STOX2: variants seen among roughly 807,000 people sequenced by gnomAD.
The protein encoded by STOX2 is storkhead box 2, also known as storkhead-box protein 2.
A neutral mutation model predicts 60.9 loss-of-function variants in STOX2; 28 were observed. That is an observed-to-expected ratio of 0.46 (90% confidence interval 0.34 to 0.63). The LOEUF (loss-of-function observed/expected upper bound fraction) is 0.63. STOX2 is among the 30% of genes least tolerant of loss of function. STOX2 has a pLI of 0.01. For synonymous variants in STOX2, 472 were observed against 463.9 expected (o/e 1.02, Z -0.22); for missense variants, 1,024 against 1,187.7 (o/e 0.86, Z 2.03).
At chr4:183,928,200 G>A (rs978523950) in intron 1 of STOX2, among the ~76,000 whole-genome samples, 4 of 119,602 alleles carry the variant, frequency 3.3e-5, no homozygotes, top group African/African-American at 1.2e-4. Flanking sequence ...TTTCACGTGG[G>A]TGAGGATGGG....
At chr4:183,947,409 G>T (rs554301653) in intron 1 of STOX2, among the ~76,000 whole-genome samples, 26 of 152,202 alleles carry the variant, frequency 1.7e-4, no homozygotes, top group African/African-American at 5.8e-4. Context: ...TCTAGTTTGT[G>T]GGGTGGGGCT....
At position 183,906,691 on chromosome 4, in the gene STOX2, G is replaced by C; in HGVS notation, c.-100G>C. The C allele has an allele frequency of 7.7e-7, 1 of 1,297,076 alleles. No homozygotes were observed. The highest frequency in any genetic ancestry group is 1.0e-6 in the Non-Finnish European group (1 of 971,936). 80.3% of individuals were successfully genotyped at this position (1,297,076 alleles called of 1,614,324 possible). The stretch of plus-strand genomic sequence containing the variant: ...AGGAGGGGCTGGGAAAATGTGCGCA[G>C]AGTCCGCCCGGGTCGTGCCCGCCGT... On this transcript the variant is annotated 5_prime_UTR_variant, in exon 1 of 4. Coordinates refer to ENST00000308497, the MANE Select transcript of STOX2 (RefSeq NM_020225.3).
At chr4:184,000,038 T>C (rs1733518958) in intron 1 of STOX2, among the ~76,000 whole-genome samples, 1 of 152,210 alleles carries the variant, frequency 6.6e-6, no homozygotes, top group Non-Finnish European at 1.5e-5. Flanking sequence ...TGAGCCCTTC[T>C]ATGTTCTACT....
intron 1 of STOX2, among the ~76,000 whole-genome samples, chr4:183,807,098 G>A (rs112473667): frequency 2.0e-5 from 3 of 151,938 alleles, no homozygotes; most frequent in Admixed American, 6.6e-5. Context: ...TCAGCCTCCC[G>A]AGTAGCTGGG....
At position 183,907,639 on chromosome 4, in the gene STOX2, A is replaced by G. The variant is rs117725372; in HGVS notation, c.166+683A>G. ...CAAACAAAACGGTAAATGGAAAGGGAAGGCTTCAAAAAAGATTTCCGCTTA... is the reference window on the plus strand; with the variant it reads ...CAAACAAAACGGTAAATGGAAAGGGGAGGCTTCAAAAAAGATTTCCGCTTA... On this transcript the variant is annotated intron_variant, in intron 1 of 3. Transcript: ENST00000308497. Among the ~76,000 whole-genome samples the G allele has an allele frequency of 1.0e-3, 158 of 152,332 alleles. 1 individual carries two copies. The East Asian group carries it at 0.025, about 24-fold the overall frequency.
chr4:183,977,774 C>A (rs1185159731), intron 1 of STOX2, among the ~76,000 whole-genome samples: 18 of 152,194 alleles, frequency 1.2e-4, no homozygotes, highest in Non-Finnish European at 1.6e-4. Flanking sequence ...TACTATTTTC[C>A]ATAGAGGTTG....
chr4:183,950,216 TCAG>T (rs1743026531), intron 1 of STOX2, among the ~76,000 whole-genome samples: 1 of 152,236 alleles, frequency 6.6e-6, no homozygotes, highest in African/African-American at 2.4e-5. Flanking sequence ...ATTCATATAT[TCAG>T]CACATGTTCA....
chr4:183,994,183 G>A (rs540744318), intron 1 of STOX2, among the ~76,000 whole-genome samples: 6 of 152,144 alleles, frequency 3.9e-5, no homozygotes, highest in East Asian at 1.9e-4. Context: ...AAGAGTGTGC[G>A]GAGAGGAATA....
At chr4:183,883,314 T>C (rs1014602149) in intron 1 of STOX2, among the ~76,000 whole-genome samples, 1 of 139,806 alleles carries the variant, frequency 7.2e-6, no homozygotes, top group African/African-American at 2.6e-5. Context: ...CTGTTTGACA[T>C]GTTATAAATT....
chr4:183,993,462 C>A (rs979179426), intron 1 of STOX2, among the ~76,000 whole-genome samples: 1 of 152,162 alleles, frequency 6.6e-6, no homozygotes, highest in Non-Finnish European at 1.5e-5. Context: ...TAAGTAATAG[C>A]TAATGGACAC....
intron 1 of STOX2, among the ~76,000 whole-genome samples, chr4:183,888,167 T>A (rs989721562): frequency 6.6e-6 from 1 of 152,172 alleles, no homozygotes; most frequent in African/African-American, 2.4e-5. Flanking sequence ...TTGTCTTTCA[T>A]TCCCCTGAGA....
chr4:183,830,206 T>TTGCTTTTCTGCTAACC (rs1739534104), intron 1 of STOX2, among the ~76,000 whole-genome samples: 1 of 152,188 alleles, frequency 6.6e-6, no homozygotes, highest in Non-Finnish European at 1.5e-5. Flanking sequence ...GCGTTGTTAC[T>TTGCTTTTCTGCTAACC]TGCTTTTCTG....
chr4:183,970,988 C>T (rs34475875), intron 1 of STOX2, among the ~76,000 whole-genome samples: 8,559 of 152,168 alleles, frequency 0.056, 307 homozygotes, highest in African/African-American at 0.1. Context: ...TTAGTATAAC[C>T]GTTGGGGTCA....
chr4:183,928,801 A>C (rs1221884516), intron 1 of STOX2, among the ~76,000 whole-genome samples: 1 of 151,934 alleles, frequency 6.6e-6, no homozygotes, highest in African/African-American at 2.4e-5. Context: ...GCGAGACTCC[A>C]TCTCAGGAAA....
chr4:183,834,392 C>A (rs56250528), intron 1 of STOX2, among the ~76,000 whole-genome samples: 2 of 151,984 alleles, frequency 1.3e-5, no homozygotes, highest in African/African-American at 4.8e-5. Flanking sequence ...CAGAGCAGCC[C>A]GGATCTGCTG....
chr4:184,000,824 C>T (rs1733562356), intron 1 of STOX2, among the ~76,000 whole-genome samples: 1 of 152,230 alleles, frequency 6.6e-6, no homozygotes, highest in Non-Finnish European at 1.5e-5. Context: ...ATCTACTTGT[C>T]TGTCTTCTCC....
At chr4:183,894,290 G>C (rs78669483) in intron 1 of STOX2, among the ~76,000 whole-genome samples, 2,408 of 152,162 alleles carry the variant, frequency 0.016, 47 homozygotes, top group African/African-American at 0.052. Context: ...TTTAACATAT[G>C]GTATGAAAAA....
chr4:183,861,699 C>T (rs997076225), intron 1 of STOX2, among the ~76,000 whole-genome samples: 21 of 152,076 alleles, frequency 1.4e-4, no homozygotes, highest in African/African-American at 1.9e-4. Flanking sequence ...AGACACAATG[C>T]GACAATATAT....
intron 1 of STOX2, among the ~76,000 whole-genome samples, chr4:183,972,130 C>G (rs139684566): frequency 6.6e-6 from 1 of 152,192 alleles, no homozygotes. Flanking sequence ...TGCACAGCGG[C>G]GTAGGGCTGG....
Sources: gnomAD v4.1 joint callset for allele counts (sites outside exome capture counted in the v4.1 genomes callset) on GRCh38, gnomAD v4.1.1 for gene constraint, MANE v1.5 for transcripts, NCBI Gene and HGNC (gene_info 2026-07-23, HGNC 2026-07-21) for gene names.